The following BRWD3 variants were observed in gnomAD, a reference collection of about 807,000 sequenced individuals.
The protein encoded by BRWD3 is bromodomain and WD repeat domain containing 3.
In BRWD3, 10 loss-of-function variants were observed where a neutral mutation model predicts 149.7. The observed-to-expected ratio is 0.07, with a 90% CI of 0.04 to 0.11. The LOEUF is 0.11. BRWD3 is among the 10% of genes least tolerant of loss of function. BRWD3 has a pLI of 1.00. For synonymous variants in BRWD3, 504 were observed against 456.7 expected (o/e 1.10, Z -1.32); for missense variants, 940 against 1,373.2 (o/e 0.68, Z 4.99).
intron 40 of BRWD3, among the ~76,000 whole-genome samples, chrX:80,679,744 A>T (rs1401675931): frequency 8.9e-6 from 1 of 111,882 alleles, no homozygotes; most frequent in Non-Finnish European, 1.9e-5. Context: ...AAACTAAAAA[A>T]AGACGCTAGT....
chrX:80,759,797 G>A (rs1053220153), intron 6 of BRWD3, among the ~76,000 whole-genome samples: 11 of 111,211 alleles, frequency 9.9e-5, no homozygotes, highest in African/African-American at 6.5e-5. Context: ...GGGCAGTGTC[G>A]AGCATTAGTT....
chrX:80,799,682 A>C lies in BRWD3; in HGVS notation c.181-5910T>G, dbSNP rs1021346336. Among the ~76,000 whole-genome samples, 9 of 111,752 alleles carry C rather than the reference A, an allele frequency of 8.1e-5. No homozygotes were observed. The Admixed American group carries it at 8.6e-4, about 11-fold the overall frequency. On this transcript the variant is annotated intron_variant, in intron 4 of 40. Coordinates refer to ENST00000373275, the MANE Select transcript of BRWD3 (RefSeq NM_153252.5). The stretch of plus-strand genomic sequence containing the variant: ...ACTACAGAGATAACAGGGTACTTTG[A>C]AGTCTGAGAGCCTGGAACTAAAATT...
chrX:80,708,682 G>A lies in BRWD3; in HGVS notation c.2475+746C>T, dbSNP rs928177864. On this transcript the variant is annotated intron_variant, in intron 21 of 40. Transcript: ENST00000373275. ...AATACAAAAATTAGCCATGCATGGT[G>A]GCGCATGCCTGTAATCCCAGCTCCT... 7.2e-5 allele frequency among the ~76,000 whole-genome samples: 8 copies of A among 111,300 alleles called. No individual in the cohort carries two copies. The Admixed American group carries it at 7.6e-4, about 11-fold the overall frequency.
At chrX:80,730,389 A>AAAAGAAAG (rs56311451) in intron 12 of BRWD3, among the ~76,000 whole-genome samples, 11,917 of 77,535 alleles carry the variant, frequency 0.15, 986 homozygotes, top group South Asian at 0.18. Context: ...ATTATTTAGC[A>AAAAGAAAG]AAAGAAAGAA....
chrX:80,799,331 T>C (rs1033649024), intron 4 of BRWD3, among the ~76,000 whole-genome samples: 2 of 111,985 alleles, frequency 1.8e-5, no homozygotes, highest in African/African-American at 6.5e-5. Context: ...ACATTCTAAA[T>C]ACTAACTTTC....
chrX:80,789,440 A>G (rs760054841), intron 6 of BRWD3, among the ~76,000 whole-genome samples: 2 of 110,724 alleles, frequency 1.8e-5, no homozygotes, highest in South Asian at 7.7e-4. Flanking sequence ...CAGTGGCGCG[A>G]TCTCGGTTCA....
At chrX:80,805,014 A>G (rs1275453092) in intron 4 of BRWD3, among the ~76,000 whole-genome samples, 2 of 112,128 alleles carry the variant, frequency 1.8e-5, no homozygotes, top group African/African-American at 6.5e-5. Context: ...ATGCTTCATC[A>G]TGTACAGATT....
intron 6 of BRWD3, among the ~76,000 whole-genome samples, chrX:80,790,990 C>T (rs1207320081): frequency 3.6e-5 from 4 of 111,745 alleles, no homozygotes; most frequent in African/African-American, 6.5e-5. Context: ...TAGCAATATA[C>T]TTCAGAGTAT....
intron 6 of BRWD3, among the ~76,000 whole-genome samples, chrX:80,773,739 T>C (rs1353841109): frequency 2.7e-5 from 3 of 112,006 alleles, no homozygotes; most frequent in African/African-American, 6.5e-5. Context: ...CAAGTTACAA[T>C]GAACCCTTCA....
rs563543942 is a variant in BRWD3, at chrX:80,759,084, T to C, written c.431-13355A>G. ...GTGGTCTTATCAGCACAGAGTACAG[T>C]GTATTATTTTCCTTCATCAGGAAAC... On this transcript the variant is annotated intron_variant, in intron 6 of 40. Transcript: ENST00000373275. 8.9e-5 allele frequency among the ~76,000 whole-genome samples: 10 copies of C among 112,072 alleles called. No individual in the cohort carries two copies. The East Asian group carries it at 2.5e-3, about 28-fold the overall frequency.
intron 21 of BRWD3, 72 bp downstream of exon 21, chrX:80,709,356 C>A: frequency 1.0e-6 from 1 of 978,645 alleles, no homozygotes; most frequent in East Asian, 3.3e-5. Flanking sequence ...AGAAGTGACC[C>A]TTAAACCCAA....
intron 6 of BRWD3, among the ~76,000 whole-genome samples, chrX:80,753,010 GA>G (rs1162510119): frequency 1.8e-5 from 2 of 111,490 alleles, no homozygotes; most frequent in African/African-American, 6.5e-5. Flanking sequence ...GTCTTCTTTT[GA>G]AAAATACCTA....
chrX:80,687,964 G>A (rs1205717455), intron 34 of BRWD3, 105 bp downstream of exon 34: 2 of 611,673 alleles, frequency 3.3e-6, no homozygotes, highest in Non-Finnish European at 2.8e-6. Flanking sequence ...ATACTTAGTT[G>A]CAAGAATCCT....
chrX:80,802,854 T>G (rs918957036), intron 4 of BRWD3, among the ~76,000 whole-genome samples: 1 of 110,462 alleles, frequency 9.1e-6, no homozygotes, highest in Non-Finnish European at 1.9e-5. Flanking sequence ...GCCTGTAATC[T>G]CAGCACTTTG....
rs1258019934 is a variant in BRWD3, at chrX:80,696,534, AC to A, written c.3068+204del. 2.0e-4 allele frequency among the ~76,000 whole-genome samples: 22 copies of A among 107,549 alleles called. 1 individual carries two copies. Among genetic ancestry groups the A allele is most frequent in the African/African-American group, 7.4e-4 (22 of 29,646 alleles). The allele number at this position is 107,549 out of a possible 115,157, so 93.4% of individuals were successfully genotyped here. A position where few individuals can be genotyped will look rare whatever the true frequency, so the allele number is the denominator to read the frequency against. On this transcript the variant is annotated intron_variant, in intron 26 of 40. Transcript: ENST00000373275. ...ATAACATAAATACACACACACACAC[AC>A]ACACACACACACACACACACACACA...
intron 8 of BRWD3, among the ~76,000 whole-genome samples, chrX:80,740,598 A>C (rs2073471795): frequency 1.8e-5 from 2 of 111,485 alleles, no homozygotes; most frequent in Non-Finnish European, 3.8e-5. Context: ...AAAATACAAA[A>C]TATAGCCGGA....
chrX:80,792,991 G>GT (rs1417818232), intron 5 of BRWD3, among the ~76,000 whole-genome samples: 1 of 108,045 alleles, frequency 9.3e-6, no homozygotes, highest in Non-Finnish European at 1.9e-5. Context: ...GTGAAACCCT[G>GT]TCTGTACTAA....
intron 34 of BRWD3, among the ~76,000 whole-genome samples, 182 bp from the exon 35 acceptor site, chrX:80,687,185 T>G (rs1396606429): frequency 1.8e-5 from 2 of 110,018 alleles, no homozygotes; most frequent in Non-Finnish European, 3.8e-5. Flanking sequence ...CAAAAATAAT[T>G]AGTGAGCAAA....
At chrX:80,729,569 T>G (rs746861977) in intron 13 of BRWD3, among the ~76,000 whole-genome samples, 1 of 111,500 alleles carries the variant, frequency 9.0e-6, no homozygotes, top group African/African-American at 3.2e-5. Context: ...GTTAAACATA[T>G]GATGACATTT....
Sources: gnomAD v4.1 joint callset for allele counts (sites outside exome capture counted in the v4.1 genomes callset) on GRCh38, gnomAD v4.1.1 for gene constraint, MANE v1.5 for transcripts, NCBI Gene and HGNC (gene_info 2026-07-23, HGNC 2026-07-21) for gene names.